Variants in CBL observed in about 807,000 individuals in gnomAD.
The protein encoded by CBL is E3 ubiquitin-protein ligase CBL.
In CBL, 45 loss-of-function variants were observed where a neutral mutation model predicts 96.9. The observed-to-expected ratio is 0.46, with a 90% confidence interval of 0.37 to 0.60. The LOEUF (loss-of-function observed/expected upper bound fraction) is 0.60. CBL is among the 20% of genes least tolerant of loss of function. CBL has a pLI of 0.00. For synonymous variants in CBL, 420 were observed against 426.8 expected (o/e 0.98, Z 0.20); for missense variants, 1,024 against 1,143.5 (o/e 0.90, Z 1.51).
rs1950122356 is a variant in CBL, at chr11:119,304,612, C to A, written c.*4831C>A. The A allele has an allele frequency of 4.3e-6, 1 of 230,424 alleles. No homozygotes were observed. Among genetic ancestry groups the A allele is most frequent in the Admixed American group, 5.7e-5 (1 of 17,680 alleles). 14.3% of individuals were successfully genotyped at this position (230,424 alleles called of 1,614,324 possible). On this transcript the variant is annotated 3_prime_UTR_variant, in exon 16 of 16. Transcript: ENST00000264033. ...CTCTGGGGATCACCATGAACAAATTCTCAATTTCCCATACTTAATTTTTTT... is the reference window on the plus strand; with the variant it reads ...CTCTGGGGATCACCATGAACAAATTATCAATTTCCCATACTTAATTTTTTT...
At chr11:119,215,074 C>T (rs188762826) in intron 1 of CBL, among the ~76,000 whole-genome samples, 14 of 152,050 alleles carry the variant, frequency 9.2e-5, no homozygotes, top group Admixed American at 6.6e-4. Context: ...AAACATGAGC[C>T]GGTTGAGTAT....
chr11:119,300,539 G>A lies in CBL; in HGVS notation c.*758G>A. On this transcript the variant is annotated 3_prime_UTR_variant, in exon 16 of 16. Transcript: ENST00000264033. ...GGTTTGTTTGGTAGATAAGTGGGAG[G>A]AAAAGTACTGTTGCTACACTATTAT... is the stretch of plus-strand genomic sequence containing the variant. 7.5e-6 allele frequency: 3 copies of A among 399,660 alleles called. No homozygotes were observed. The Admixed American group carries it at 1.3e-4, about 17-fold the overall frequency. The allele number at this position is 399,660 out of a possible 1,614,324, so 24.8% of individuals were successfully genotyped here. A position where few individuals can be genotyped will look rare whatever the true frequency, so the allele number is the denominator to read the frequency against.
intron 12 of CBL, among the ~76,000 whole-genome samples, chr11:119,292,234 C>T (rs1207549767): frequency 3.9e-5 from 6 of 152,150 alleles, no homozygotes; most frequent in Non-Finnish European, 8.8e-5. Context: ...TATGTTTAAT[C>T]AGTTTTAGGA....
chr11:119,278,911 A>C (rs1949911237), intron 9 of CBL, among the ~76,000 whole-genome samples, 198 bp downstream of exon 9: 1 of 152,246 alleles, frequency 6.6e-6, no homozygotes, highest in South Asian at 2.1e-4. Context: ...CTATGAGTAC[A>C]TACTACTATT....
intron 9 of CBL, among the ~76,000 whole-genome samples, chr11:119,283,716 C>G (rs1193897153): frequency 1.5e-5 from 2 of 135,404 alleles, no homozygotes; most frequent in South Asian, 5.1e-4. Context: ...CGGCTCACTG[C>G]AAGCTCCGCC....
rs398017760 is a variant in CBL, at chr11:119,283,625, C to CTTTTTTTTTTTTTTTTTTTTTTTT, written c.1432-1337_1432-1314dup. Among the ~76,000 whole-genome samples, 31 of 45,526 alleles carry CTTTTTTTTTTTTTTTTTTTTTTTT rather than the reference C, an allele frequency of 6.8e-4. 6 individuals are homozygous for CTTTTTTTTTTTTTTTTTTTTTTTT. The highest frequency in any genetic ancestry group is 2.0e-3 in the East Asian group (3 of 1,472). 29.9% of individuals were successfully genotyped at this position (45,526 alleles called of 152,430 possible). On this transcript the variant is annotated intron_variant, in intron 9 of 15. Transcript: ENST00000264033. ...AAATATTAATCCTTTTTAATTCTTT[C>CTTTTTTTTTTTTTTTTTTTTTTTT]TTTTTTTTTTTTTTTTTTTTTTTTT... is the stretch of plus-strand genomic sequence containing the variant.
intron 2 of CBL, among the ~76,000 whole-genome samples, chr11:119,248,805 A>AC (rs1721090150): frequency 1.3e-5 from 2 of 152,236 alleles, no homozygotes; most frequent in African/African-American, 4.8e-5. Context: ...AAACCAATTC[A>AC]AAAATGCTCA....
At chr11:119,254,613 T>G (rs2135282928) in intron 2 of CBL, among the ~76,000 whole-genome samples, 1 of 152,264 alleles carries the variant, frequency 6.6e-6, no homozygotes, top group Admixed American at 6.5e-5. Context: ...TTATCTTTTT[T>G]TTTTTTGAGA....
rs11604328 is a variant in CBL at position 119,303,866 on chromosome 11, C to G, written c.*4085C>G. On this transcript the variant is annotated 3_prime_UTR_variant, in exon 16 of 16. Coordinates refer to ENST00000264033, the MANE Select transcript of CBL (RefSeq NM_005188.4). ...TTTCCTGAGCTGCTACGTCCCTAAT[C>G]CCCCTTGTTGGGAGGATTTTCGTAT... 11,703 of 233,694 alleles carry G rather than the reference C, an allele frequency of 0.05. 335 individuals are homozygous for G. Among genetic ancestry groups the G allele is most frequent in the African/African-American group, 0.074 (3,351 of 45,442 alleles). The allele number at this position is 233,694 out of a possible 1,614,324, so 14.5% of individuals were successfully genotyped here.
At chr11:119,277,734 C>T in intron 6 of CBL, 23 bp from the exon 7 acceptor site, 1 of 1,570,788 alleles carries the variant, frequency 6.4e-7, no homozygotes, top group Non-Finnish European at 8.8e-7. Context: ...TAAATAAAAC[C>T]CAGGGTTGGT....
chr11:119,275,069 A>T, intron 5 of CBL, 116 bp downstream of exon 5: 1 of 1,015,110 alleles, frequency 9.9e-7, no homozygotes. Context: ...GTTCTGCAAT[A>T]GGATTGATAC....
Position 119,306,151 on chromosome 11 carries a change from A to G in CBL, c.*6370A>G, listed in dbSNP as rs1950138553. Reference sequence around the variant, plus strand: ...TGGGGAGAGCAAGCCCCGCATGTCCATGGCGAGTCAGGTGGGGAGCACGGG... The same window carrying G: ...TGGGGAGAGCAAGCCCCGCATGTCCGTGGCGAGTCAGGTGGGGAGCACGGG... On this transcript the variant is annotated 3_prime_UTR_variant, in exon 16 of 16. Transcript: ENST00000264033. 4 of 397,666 alleles carry G rather than the reference A, an allele frequency of 1.0e-5. No individual in the cohort carries two copies. The highest frequency in any genetic ancestry group is 1.8e-5 in the Non-Finnish European group (4 of 225,834). 24.6% of individuals were successfully genotyped at this position (397,666 alleles called of 1,614,324 possible).
intron 12 of CBL, 43 bp downstream of exon 12, chr11:119,287,989 T>TTAC (rs1427854964): frequency 1.5e-6 from 2 of 1,364,370 alleles, no homozygotes; most frequent in Non-Finnish European, 2.1e-6. Flanking sequence ...GAGTTGTTAC[T>TTAC]TGTAAAAAGC....
intron 1 of CBL, among the ~76,000 whole-genome samples, chr11:119,211,400 A>G (rs763094745): frequency 3.3e-5 from 5 of 152,154 alleles, no homozygotes; most frequent in African/African-American, 9.7e-5. Context: ...ATCTTATTGT[A>G]TGGTACTGCA....
At chr11:119,244,771 G>C (rs920456657) in intron 2 of CBL, among the ~76,000 whole-genome samples, 6 of 151,858 alleles carry the variant, frequency 4.0e-5, no homozygotes, top group African/African-American at 1.2e-4. Context: ...GGCTGGTCTT[G>C]AACTCCTGAG....
rs376428227 is a variant in CBL at position 119,294,398 on chromosome 11, C to T, written c.2037-2520C>T. 1.6e-3 allele frequency among the ~76,000 whole-genome samples: 240 copies of T among 151,028 alleles called. 5 individuals are homozygous for T. In the South Asian group the frequency reaches 0.047, roughly 29 times the overall value. ...GAGCCAAGATCACGCCATTGCACTC[C>T]AGCCTGGACGACTGAGTCTCCGTCT... On this transcript the variant is annotated intron_variant, in intron 12 of 15. Transcript: ENST00000264033.
chr11:119,286,923 C>A (rs1949988662), intron 11 of CBL, among the ~76,000 whole-genome samples: 1 of 151,962 alleles, frequency 6.6e-6, no homozygotes, highest in Non-Finnish European at 1.5e-5. Flanking sequence ...AGAAAAATAG[C>A]CCAAAGAAGG....
At chr11:119,227,209 T>G (rs1304640811) in intron 1 of CBL, among the ~76,000 whole-genome samples, 2 of 152,214 alleles carry the variant, frequency 1.3e-5, no homozygotes, top group East Asian at 3.9e-4. Flanking sequence ...GTAGTAGGCT[T>G]TGTGTTAAGA....
chr11:119,248,210 G>T (rs1404801358), intron 2 of CBL, among the ~76,000 whole-genome samples: 1 of 152,182 alleles, frequency 6.6e-6, no homozygotes, highest in African/African-American at 2.4e-5. Flanking sequence ...TTGTATTTCT[G>T]ATTTCAAAGC....
Sources: gnomAD v4.1 joint callset for allele counts (sites outside exome capture counted in the v4.1 genomes callset) on GRCh38, gnomAD v4.1.1 for gene constraint, MANE v1.5 for transcripts, NCBI Gene and HGNC (gene_info 2026-07-23, HGNC 2026-07-21) for gene names.